RANBP2: variants seen among roughly 807,000 people sequenced by gnomAD.
The protein encoded by RANBP2 is E3 SUMO-protein ligase RanBP2.
In RANBP2, 57 loss-of-function variants were observed where a neutral mutation model predicts 303.6. That is an observed-to-expected ratio of 0.19 (90% CI 0.15 to 0.23). The LOEUF (loss-of-function observed/expected upper bound fraction) is 0.23, where lower values mean the gene tolerates loss of function less well. RANBP2 is among the 10% of genes least tolerant of loss of function. The pLI, the probability that RANBP2 is intolerant of heterozygous loss-of-function variation, is 1.00. For synonymous variants in RANBP2, 1,167 were observed against 1,301.5 expected, an observed-to-expected ratio of 0.90 and a Z score of 2.23; for missense variants, 3,138 against 3,780.8, an observed-to-expected ratio of 0.83 and a Z score of 4.46.
chr2:109,619,036 A>C, the RANBP2 span: 5 of 166,968 alleles, frequency 3.0e-5, no homozygotes, highest in African/African-American at 1.2e-4. Context: ...TAGACTTTTT[A>C]CATATACTGT....
the RANBP2 span, among the ~76,000 whole-genome samples, chr2:109,166,473 A>G: frequency 6.6e-6 from 1 of 150,692 alleles, no homozygotes; most frequent in Non-Finnish European, 1.5e-5. Context: ...AAAAAAAAAA[A>G]AGAAAGAAAG....
At chr2:108,752,860 G>A (rs1397056839) in intron 12 of RANBP2, 138 bp from the exon 13 acceptor site, 10 of 1,544,986 alleles carry the variant, frequency 6.5e-6, no homozygotes, top group East Asian at 2.3e-5. Context: ...TACAGTATTT[G>A]GAAGTTGAAC....
the RANBP2 span, among the ~76,000 whole-genome samples, chr2:109,408,653 T>G: frequency 6.6e-6 from 1 of 152,214 alleles, no homozygotes; most frequent in Non-Finnish European, 1.5e-5. Flanking sequence ...ACTGGCACTC[T>G]CAGACAGAAG....
the RANBP2 span, among the ~76,000 whole-genome samples, chr2:109,068,628 C>A: frequency 1.3e-5 from 2 of 152,190 alleles, no homozygotes; most frequent in South Asian, 2.1e-4. Context: ...CTCTGCTTTT[C>A]CCCTGGGCAG....
At chr2:109,211,652 T>C in the RANBP2 span, among the ~76,000 whole-genome samples, 2 of 151,000 alleles carry the variant, frequency 1.3e-5, no homozygotes, top group Non-Finnish European at 3.0e-5. Context: ...TTCTTTCTTT[T>C]TTTTTTTTTT....
the RANBP2 span, among the ~76,000 whole-genome samples, chr2:109,541,893 C>A: frequency 6.6e-6 from 1 of 152,152 alleles, no homozygotes; most frequent in Non-Finnish European, 1.5e-5. Flanking sequence ...TGTGTGTGTC[C>A]CCATTTCCTG....
the RANBP2 span, among the ~76,000 whole-genome samples, chr2:109,265,965 G>T: frequency 6.6e-6 from 1 of 152,068 alleles, no homozygotes; most frequent in Non-Finnish European, 1.5e-5. Context: ...GAAATCCTTG[G>T]GAGCCCAGAC....
intron 1 of RANBP2, among the ~76,000 whole-genome samples, chr2:108,721,769 T>A (rs1694271457): frequency 6.6e-6 from 1 of 151,834 alleles, no homozygotes; most frequent in African/African-American, 2.4e-5. Flanking sequence ...TGAGACAAGG[T>A]CTCTTTCTGT....
chr2:109,261,128 C>T, the RANBP2 span, among the ~76,000 whole-genome samples: 10 of 152,314 alleles, frequency 6.6e-5, no homozygotes, highest in South Asian at 4.1e-4. Flanking sequence ...CAGCCAGGCC[C>T]GTGAGCTAGC....
chr2:109,303,586 C>T, the RANBP2 span, among the ~76,000 whole-genome samples: 6 of 152,154 alleles, frequency 3.9e-5, no homozygotes, highest in South Asian at 2.1e-4. Context: ...GCCCAAGGGA[C>T]GGGAGAGGGC....
the RANBP2 span, among the ~76,000 whole-genome samples, chr2:109,549,154 CACAA>C: frequency 1.4e-3 from 219 of 152,300 alleles, no homozygotes; most frequent in African/African-American, 4.3e-3. Context: ...AAATCGGTGG[CACAA>C]ACAAAGAGTG....
the RANBP2 span, among the ~76,000 whole-genome samples, chr2:108,924,332 T>C: frequency 6.6e-6 from 1 of 152,178 alleles, no homozygotes; most frequent in African/African-American, 2.4e-5. Context: ...CACCACCCTC[T>C]CCTTGGGGCT....
At chr2:109,412,471 C>T in the RANBP2 span, among the ~76,000 whole-genome samples, 2 of 152,232 alleles carry the variant, frequency 1.3e-5, no homozygotes, top group South Asian at 4.1e-4. Context: ...ATGGTAACAA[C>T]AGCAGGACCA....
chr2:109,400,513 C>T, the RANBP2 span, among the ~76,000 whole-genome samples: 1 of 151,974 alleles, frequency 6.6e-6, no homozygotes, highest in Non-Finnish European at 1.5e-5. Context: ...ATACACCCCT[C>T]CAGGTGCACA....
chr2:109,241,604 C>T, the RANBP2 span, among the ~76,000 whole-genome samples: 6 of 152,194 alleles, frequency 3.9e-5, no homozygotes, highest in South Asian at 6.2e-4. Context: ...TGGCTTGGTT[C>T]GGTCAGCTCT....
At position 108,777,181 on chromosome 2, in the gene RANBP2, T is replaced by C; in HGVS notation, c.8549T>C (p.Phe2850Ser). Residue 2850 changes from phenylalanine (F) to serine (S), a missense_variant, in exon 25 of 29, where the codon TTT becomes TCT. By Grantham distance (155) the Phe-to-Ser change is radical (BLOSUM62 -2). Coordinates refer to ENST00000283195, the MANE Select transcript of RANBP2 (RefSeq NM_006267.5). Reference sequence around the variant, plus strand: ...TTTGGAAGTAGCACAGGGCTCTCATTTGCAGACTTGGCTTCCAGTAATTCT... The same window carrying C: ...TTTGGAAGTAGCACAGGGCTCTCATCTGCAGACTTGGCTTCCAGTAATTCT... ...FGFGSSTGLS[F>S]ADLASSNSGD... 1 of 1,613,602 alleles carries C rather than the reference T, an allele frequency of 6.2e-7. No individual in the cohort carries two copies. The highest frequency in any genetic ancestry group is 8.5e-7 in the Non-Finnish European group (1 of 1,179,618).
the RANBP2 span, among the ~76,000 whole-genome samples, chr2:108,911,948 T>A: frequency 6.6e-6 from 1 of 152,224 alleles, no homozygotes; most frequent in Non-Finnish European, 1.5e-5. Context: ...ATGACATAAG[T>A]GTTTTAATAT....
At chr2:109,268,916 C>A in the RANBP2 span, among the ~76,000 whole-genome samples, 357 of 152,266 alleles carry the variant, frequency 2.3e-3, 2 homozygotes, top group African/African-American at 8.5e-3. Context: ...CAAAATGTAA[C>A]CCCATTATAA....
chr2:109,023,991 T>G, the RANBP2 span, among the ~76,000 whole-genome samples: 4 of 152,302 alleles, frequency 2.6e-5, no homozygotes, highest in South Asian at 8.3e-4. Context: ...AATGGCATGA[T>G]CTCGGCTCAC....
Sources: allele counts gnomAD v4.1 joint callset (sites outside exome capture counted in the v4.1 genomes callset), GRCh38; gene constraint gnomAD v4.1.1; transcripts MANE v1.5; gene names NCBI Gene and HGNC (gene_info 2026-07-23, HGNC 2026-07-21).